EDIL3: variants seen among roughly 807,000 people sequenced by gnomAD.
EDIL3 encodes the protein EGF-like repeat and discoidin I-like domain-containing protein 3.
A neutral mutation model predicts 67.4 loss-of-function variants in EDIL3; 37 were observed. The ratio of observed to expected loss-of-function variants is 0.55; its 90% CI spans 0.42 to 0.72. The LOEUF (loss-of-function observed/expected upper bound fraction) is 0.72, where lower values mean the gene tolerates loss of function less well. EDIL3 is among the 30% of genes least tolerant of loss of function. EDIL3 has a pLI of 0.00. For synonymous variants in EDIL3, 195 were observed against 196.3 expected, an observed-to-expected ratio of 0.99 and a Z score of 0.05; for missense variants, 527 against 586.3, an observed-to-expected ratio of 0.90 and a Z score of 1.04.
chr5:84,042,889 T>G (rs1343476282), intron 9 of EDIL3, among the ~76,000 whole-genome samples: 1 of 152,224 alleles, frequency 6.6e-6, no homozygotes, highest in African/African-American at 2.4e-5. Flanking sequence ...ATATGTATTC[T>G]ACATTAAAGT....
chr5:84,281,215 T>G (rs1049251106), intron 1 of EDIL3, among the ~76,000 whole-genome samples: 4 of 152,162 alleles, frequency 2.6e-5, no homozygotes, highest in African/African-American at 9.7e-5. Flanking sequence ...TTTACTGTGA[T>G]CAACAGAATT....
intron 6 of EDIL3, among the ~76,000 whole-genome samples, chr5:84,093,283 TAAAC>T (rs1367794698): frequency 6.6e-6 from 1 of 152,196 alleles, no homozygotes; most frequent in Non-Finnish European, 1.5e-5. Context: ...GGAATAGACT[TAAAC>T]TAACTCTGAT....
intron 9 of EDIL3, among the ~76,000 whole-genome samples, chr5:83,995,765 G>A (rs538796313): frequency 6.6e-6 from 1 of 151,904 alleles, no homozygotes. Flanking sequence ...TTCCTCTCCT[G>A]CTTAAAATTT....
intron 9 of EDIL3, among the ~76,000 whole-genome samples, chr5:84,009,293 T>G (rs1464003629): frequency 6.6e-6 from 1 of 152,214 alleles, no homozygotes; most frequent in Non-Finnish European, 1.5e-5. Context: ...ACATCAAAAC[T>G]GCGAAATTGT....
chr5:84,275,525 TATC>T (rs1303916603), intron 1 of EDIL3, among the ~76,000 whole-genome samples: 1 of 152,230 alleles, frequency 6.6e-6, no homozygotes, highest in Non-Finnish European at 1.5e-5. Flanking sequence ...ATGTATAAGT[TATC>T]ATGTGTTGGT....
chr5:84,342,503 G>A (rs12153072), intron 1 of EDIL3, among the ~76,000 whole-genome samples: 50 of 151,768 alleles, frequency 3.3e-4, no homozygotes, highest in Non-Finnish European at 5.3e-4. Flanking sequence ...TCTGAAAGCC[G>A]TGACTTCACC....
intron 7 of EDIL3, 66 bp downstream of exon 7, chr5:84,066,385 C>A (rs1746641318): frequency 1.3e-6 from 2 of 1,487,672 alleles, no homozygotes; most frequent in South Asian, 1.4e-5. Context: ...AAGACCTTGT[C>A]ATTTGATAAT....
chr5:84,025,210 A>C (rs1745790773), intron 9 of EDIL3, among the ~76,000 whole-genome samples: 1 of 152,126 alleles, frequency 6.6e-6, no homozygotes, highest in South Asian at 2.1e-4. Context: ...CCTCTAGTCC[A>C]GGGGTCCCCA....
rs780257935 is a variant in EDIL3, at chr5:84,229,854, CCTG to C, written c.224_226del (p.Ala75del). ...TTATGTTTACAACATAGGAACTTTA[CCTG>C]CTGAAGTTGGTTCTTCTTCATCTGA... On this transcript the variant is annotated inframe_deletion and splice_region_variant, in exon 3 of 11. Coordinates refer to ENST00000296591, the MANE Select transcript of EDIL3 (RefSeq NM_005711.5). 6.2e-7 allele frequency: 1 copy of C among 1,603,308 alleles called. No individual in the cohort carries two copies. The highest frequency in any genetic ancestry group is 8.5e-7 in the Non-Finnish European group (1 of 1,173,884).
At chr5:84,300,329 C>T (rs1746132834) in intron 1 of EDIL3, among the ~76,000 whole-genome samples, 1 of 152,146 alleles carries the variant, frequency 6.6e-6, no homozygotes, top group South Asian at 2.1e-4. Context: ...TACCCAGGTG[C>T]TTAGGTTGGT....
chr5:84,291,002 T>A (rs550094985), intron 1 of EDIL3, among the ~76,000 whole-genome samples: 21 of 152,268 alleles, frequency 1.4e-4, no homozygotes, highest in Admixed American at 1.2e-3. Flanking sequence ...TATTCTCTAC[T>A]AAGCCAGAGA....
intron 2 of EDIL3, among the ~76,000 whole-genome samples, chr5:84,253,624 T>C (rs978370632): frequency 6.6e-6 from 1 of 152,178 alleles, no homozygotes; most frequent in African/African-American, 2.4e-5. Context: ...CTTCTTTATA[T>C]GCTTAGAAAT....
intron 3 of EDIL3, among the ~76,000 whole-genome samples, chr5:84,204,233 G>A (rs1477110811): frequency 6.6e-6 from 1 of 152,076 alleles, no homozygotes; most frequent in African/African-American, 2.4e-5. Context: ...ATATAACCCT[G>A]TTAGTCAAAT....
At chr5:84,233,205 A>G (rs1182978112) in intron 2 of EDIL3, among the ~76,000 whole-genome samples, 1 of 152,224 alleles carries the variant, frequency 6.6e-6, no homozygotes, top group Non-Finnish European at 1.5e-5. Context: ...TATCAGACAT[A>G]TAGAATTTAA....
At chr5:84,084,942 A>T (rs1472063518) in intron 6 of EDIL3, among the ~76,000 whole-genome samples, 5 of 152,124 alleles carry the variant, frequency 3.3e-5, no homozygotes, top group South Asian at 4.1e-4. Context: ...CAGTTCAATT[A>T]AAAAAATTCA....
chr5:84,283,040 T>A (rs965968642), intron 1 of EDIL3, among the ~76,000 whole-genome samples: 1 of 142,490 alleles, frequency 7.0e-6, no homozygotes, highest in Non-Finnish European at 1.6e-5. Context: ...CATCTATTTC[T>A]TTTTTTTTTT....
chr5:84,255,044 G>T (rs1468138247), intron 1 of EDIL3, among the ~76,000 whole-genome samples: 1 of 152,112 alleles, frequency 6.6e-6, no homozygotes, highest in African/African-American at 2.4e-5. Context: ...AGATTTCCGG[G>T]CAGACTGTTA....
At chr5:84,374,084 G>A (rs1747914743) in intron 1 of EDIL3, among the ~76,000 whole-genome samples, 1 of 152,086 alleles carries the variant, frequency 6.6e-6, no homozygotes, top group South Asian at 2.1e-4. Context: ...CTCCAAAGGG[G>A]AAAGAAAGTG....
At chr5:84,148,092 T>G (rs941413240) in intron 4 of EDIL3, among the ~76,000 whole-genome samples, 3 of 152,162 alleles carry the variant, frequency 2.0e-5, no homozygotes, top group African/African-American at 7.2e-5. Context: ...AAGGATTCAA[T>G]GAGGTAAATT....
Sources: allele counts gnomAD v4.1 joint callset (sites outside exome capture counted in the v4.1 genomes callset), GRCh38; gene constraint gnomAD v4.1.1; transcripts MANE v1.5; gene names NCBI Gene and HGNC (gene_info 2026-07-23, HGNC 2026-07-21).